The following MYO18B variants were observed in gnomAD, a reference collection of about 807,000 sequenced individuals.
MYO18B encodes myosin XVIIIB, also known as unconventional myosin-XVIIIb.
MYO18B carries 204 observed loss-of-function variants against 273.0 expected under a neutral mutation model. The observed-to-expected ratio is 0.75, with a 90% CI of 0.67 to 0.84. The LOEUF is 0.84. MYO18B is among the 40% of genes least tolerant of loss of function. The pLI is 0.00. For missense variants in MYO18B, 3,212 were observed against 3,287.6 expected, an observed-to-expected ratio of 0.98 and a Z score of 0.56; for synonymous variants, 1,330 against 1,305.7, an observed-to-expected ratio of 1.02 and a Z score of -0.40.
intron 12 of MYO18B, among the ~76,000 whole-genome samples, chr22:25,821,194 A>G (rs1417476928): frequency 6.6e-6 from 1 of 152,044 alleles, no homozygotes; most frequent in Non-Finnish European, 1.5e-5. Flanking sequence ...CAGTAGTGGG[A>G]TTGCTGGATC....
chr22:26,045,953 T>C, the MYO18B span, among the ~76,000 whole-genome samples: 1 of 152,228 alleles, frequency 6.6e-6, no homozygotes, highest in African/African-American at 2.4e-5. Context: ...TTAGTTGTGC[T>C]CTCAACTGAC....
At chr22:25,849,492 T>TA (rs1396123520) in intron 20 of MYO18B, among the ~76,000 whole-genome samples, 7 of 152,308 alleles carry the variant, frequency 4.6e-5, no homozygotes, top group Non-Finnish European at 7.4e-5. Context: ...TATGCATATA[T>TA]ACACATGCAT....
At chr22:25,983,048 C>T (rs2093165603) in intron 39 of MYO18B, among the ~76,000 whole-genome samples, 1 of 152,134 alleles carries the variant, frequency 6.6e-6, no homozygotes, top group Admixed American at 6.5e-5. Flanking sequence ...GATCTGTAAT[C>T]CTGCACTTGA....
chr22:26,057,873 T>C, the MYO18B span, among the ~76,000 whole-genome samples: 1 of 152,164 alleles, frequency 6.6e-6, no homozygotes, highest in African/African-American at 2.4e-5. Context: ...CAAGTAATAG[T>C]TGAACACCTA....
intron 42 of MYO18B, among the ~76,000 whole-genome samples, chr22:26,012,216 A>T (rs1934971192): frequency 6.6e-6 from 1 of 152,172 alleles, no homozygotes; most frequent in African/African-American, 2.4e-5. Context: ...ATGAGATAAG[A>T]CTCGTTTGTA....
chr22:25,869,473 AG>A (rs566941241), intron 22 of MYO18B, among the ~76,000 whole-genome samples: 1,607 of 115,364 alleles, frequency 0.014, 34 homozygotes, highest in African/African-American at 0.055. Context: ...AAAAAAAAAA[AG>A]AAGGAAGGAA....
At chr22:26,062,006 G>A in the MYO18B span, among the ~76,000 whole-genome samples, 2 of 152,204 alleles carry the variant, frequency 1.3e-5, no homozygotes, top group Non-Finnish European at 2.9e-5. Flanking sequence ...AATTGAGACA[G>A]CAGTGTTTTC....
intron 32 of MYO18B, 52 bp from the exon 33 acceptor site, chr22:25,910,894 G>C: frequency 7.0e-7 from 1 of 1,424,142 alleles, no homozygotes; most frequent in Non-Finnish European, 9.7e-7. Flanking sequence ...TGTAGGATGT[G>C]TCTGGATGGA....
At chr22:25,987,015 C>A (rs188509126) in intron 39 of MYO18B, among the ~76,000 whole-genome samples, 35 of 152,218 alleles carry the variant, frequency 2.3e-4, no homozygotes, top group Non-Finnish European at 3.5e-4. Context: ...GAATTTTCGT[C>A]AAGTTTCAAA....
chr22:25,941,740 C>G (rs928267493), intron 34 of MYO18B, among the ~76,000 whole-genome samples: 3 of 152,224 alleles, frequency 2.0e-5, no homozygotes, highest in Admixed American at 2.0e-4. Context: ...GGGCCTGCCC[C>G]GTGGAGGTCT....
chr22:26,027,494 A>T lies in MYO18B; in HGVS notation c.7520A>T (p.Asp2507Val). 6.2e-7 allele frequency: 1 copy of T among 1,613,606 alleles called. No individual in the cohort carries two copies. Among genetic ancestry groups the T allele is most frequent in the African/African-American group, 1.3e-5 (1 of 74,892 alleles). ...AAGGAGGATCCCGCTCACCTGTCTG[A>T]CTCGTCCTCATCCTCCGGCTCCATC... ...EPKEDPAHLS[D>V]SSSSSGSIVS... The change falls in exon 43 of 44, where the codon GAC (aspartate) becomes GTC (valine). Residue 2507 changes from aspartate (D) to valine (V), a missense_variant. By Grantham distance (152) the Asp-to-Val change is radical. Transcript: ENST00000335473. The surrounding 1 kb of genome is among the most constrained non-coding windows in gnomAD (Gnocchi z 4.1).
chr22:25,761,091 G>T lies in MYO18B; in HGVS notation c.-2G>T. Reference sequence around the variant, plus strand: ...ATCTCACGGCCCTGGCACTGCCTCAGCATGGCCATCTCATCACGCCTCGCC... The same window carrying T: ...ATCTCACGGCCCTGGCACTGCCTCATCATGGCCATCTCATCACGCCTCGCC... On this transcript the variant is annotated 5_prime_UTR_variant, in exon 2 of 44. Transcript: ENST00000335473. 6.2e-7 allele frequency: 1 copy of T among 1,613,472 alleles called. No individual in the cohort carries two copies.
intron 18 of MYO18B, among the ~76,000 whole-genome samples, chr22:25,845,523 CCAACAACAA>C (rs66532051): frequency 6.6e-6 from 1 of 152,024 alleles, no homozygotes; most frequent in East Asian, 1.9e-4. Flanking sequence ...CTCAAAAAAA[CCAACAACAA>C]CAACAACAAA....
In MYO18B at chr22:25,874,319, G is replaced by A; in HGVS notation, c.3985G>A (p.Glu1329Lys). 3 of 1,613,960 alleles carry A rather than the reference G, an allele frequency of 1.9e-6. No individual in the cohort carries two copies. The highest frequency in any genetic ancestry group is 2.5e-6 in the Non-Finnish European group (3 of 1,179,888). The change falls in exon 23 of 44, where the codon GAG becomes AAG. Residue 1329 changes from glutamate to lysine, a missense_variant. Physicochemically the swap from Glu to Lys is moderately conservative, Grantham distance 56 (BLOSUM62 1). Coordinates refer to ENST00000335473, the MANE Select transcript of MYO18B (RefSeq NM_032608.7). ...CAAGGCAGGTGTGATCTCCAGGCTT[G>A]AGAAGCAGCGAGAGAAGCTGGTATC... ...FLKAGVISRLEKQREKLVSQS... is the reference protein window; with the variant it reads ...FLKAGVISRLKKQREKLVSQS...
At chr22:25,898,542 TC>T (rs1187551440) in intron 29 of MYO18B, 81 bp downstream of exon 29, 2 of 1,483,992 alleles carry the variant, frequency 1.3e-6, no homozygotes, top group African/African-American at 2.8e-5. Flanking sequence ...ATCCAGGTTC[TC>T]CTAACTCCCT....
At chr22:25,866,811 A>AG (rs1272107423) in intron 21 of MYO18B, among the ~76,000 whole-genome samples, 2 of 147,832 alleles carry the variant, frequency 1.4e-5, no homozygotes, top group African/African-American at 5.1e-5. Flanking sequence ...AAAAAAAAAA[A>AG]GAATAGTACT....
chr22:25,977,527 C>T (rs915920372), intron 39 of MYO18B, among the ~76,000 whole-genome samples: 5 of 152,072 alleles, frequency 3.3e-5, no homozygotes, highest in African/African-American at 2.4e-5. Flanking sequence ...GGACATAGGA[C>T]GAGCATGTTT....
chr22:25,881,071 A>G (rs1034891018), intron 25 of MYO18B, among the ~76,000 whole-genome samples: 1 of 152,250 alleles, frequency 6.6e-6, no homozygotes, highest in Non-Finnish European at 1.5e-5. Context: ...AAATGGATTT[A>G]TGATTAAGCC....
the MYO18B span, among the ~76,000 whole-genome samples, chr22:26,036,560 T>G: frequency 0.21 from 32,566 of 151,976 alleles, 5,062 homozygotes; most frequent in African/African-American, 0.44. Flanking sequence ...GGAAAATCAT[T>G]CTCATAGTTC....
Sources: gnomAD v4.1 joint callset for allele counts (sites outside exome capture counted in the v4.1 genomes callset) on GRCh38, gnomAD v4.1.1 for gene constraint, Gnocchi (gnomAD v3.1) non-coding constraint, MANE v1.5 for transcripts, NCBI Gene and HGNC (gene_info 2026-07-23, HGNC 2026-07-21) for gene names.